Variants in ABL2 observed in about 807,000 individuals in gnomAD.
The protein encoded by ABL2 is tyrosine-protein kinase ABL2.
ABL2 carries 49 observed loss-of-function variants against 107.7 expected under a neutral mutation model. The observed-to-expected ratio is 0.45, with a 90% CI of 0.36 to 0.58. ABL2 has a LOEUF of 0.58. Ranked by LOEUF, ABL2 falls within the 20% of genes least tolerant of loss-of-function variation. The pLI is 0.00. For synonymous variants in ABL2, 549 were observed against 548.6 expected (o/e 1.00, Z -0.01); for missense variants, 1,245 against 1,457.0 (o/e 0.85, Z 2.37).
intron 1 of ABL2, among the ~76,000 whole-genome samples, chr1:179,202,476 A>T (rs964652688): frequency 2.6e-5 from 4 of 152,318 alleles, no homozygotes; most frequent in Non-Finnish European, 5.9e-5. Context: ...CAGGTCACAT[A>T]AAAAAATTAA....
At chr1:179,169,545 C>T (rs1659595444) in intron 1 of ABL2, among the ~76,000 whole-genome samples, 1 of 149,062 alleles carries the variant, frequency 6.7e-6, no homozygotes, top group South Asian at 2.1e-4. Context: ...AAGACCCCAT[C>T]TCAAAATAAA....
At chr1:179,164,045 G>T (rs189613867) in intron 1 of ABL2, among the ~76,000 whole-genome samples, 1 of 152,188 alleles carries the variant, frequency 6.6e-6, no homozygotes, top group African/African-American at 2.4e-5. Flanking sequence ...GGGATTAAAG[G>T]GGGGGAATAT....
At chr1:179,213,311 CTTATTT>C (rs2124832021) in intron 1 of ABL2, among the ~76,000 whole-genome samples, 1 of 151,796 alleles carries the variant, frequency 6.6e-6, no homozygotes, top group African/African-American at 2.4e-5. Flanking sequence ...TATTTTTACG[CTTATTT>C]TTATTTTTGT....
intron 8 of ABL2, among the ~76,000 whole-genome samples, chr1:179,116,328 T>C (rs1041583027): frequency 1.1e-4 from 17 of 151,822 alleles, no homozygotes; most frequent in African/African-American, 3.9e-4. Flanking sequence ...TGAGCTGAGA[T>C]TGTGCCACTG....
At chr1:179,131,536 T>A in intron 2 of ABL2, 55 bp from the exon 3 acceptor site, 1 of 1,559,502 alleles carries the variant, frequency 6.4e-7, no homozygotes, top group Non-Finnish European at 8.8e-7. Context: ...GCGAAACATT[T>A]GTTTGAATTC....
Position 179,104,985 on chromosome 1 carries a change from T to C in ABL2, c.*2733A>G, listed in dbSNP as rs1441070749. 2 of 228,442 alleles carry C rather than the reference T, an allele frequency of 8.8e-6. No individual in the cohort carries two copies. Among genetic ancestry groups the C allele is most frequent in the Non-Finnish European group, 1.7e-5 (2 of 115,106 alleles). The allele number at this position is 228,442 out of a possible 1,614,324, so 14.2% of individuals were successfully genotyped here. ...GTAGAAAAAGGAAAAACCTAAATTA[T>C]GCTTGTATAGTAAGTTGACAGTGCC... On this transcript the variant is annotated 3_prime_UTR_variant, in exon 12 of 12. Transcript: ENST00000502732.
chr1:179,132,980 T>A (rs570510127), intron 2 of ABL2, among the ~76,000 whole-genome samples: 1 of 151,934 alleles, frequency 6.6e-6, no homozygotes, highest in Non-Finnish European at 1.5e-5. Context: ...TGCCTCAGCC[T>A]CCCGAGTAGG....
chr1:179,132,280 G>GT (rs1190398777), intron 2 of ABL2, among the ~76,000 whole-genome samples: 1 of 152,046 alleles, frequency 6.6e-6, no homozygotes, highest in Non-Finnish European at 1.5e-5. Context: ...TTTACGACCT[G>GT]TTTTTTCCTT....
chr1:179,108,710 A>G lies in ABL2; in HGVS notation c.2557T>C (p.Leu853=), dbSNP rs1309908165. The G allele has an allele frequency of 6.2e-7, 1 of 1,614,188 alleles. No homozygotes were observed. The highest frequency in any genetic ancestry group is 1.1e-5 in the South Asian group (1 of 91,082). ...GGAAGAGCTGTGGCTCCTCTGGGCA[A>G]TAACTTGGCTTTTGGTCTCTCCCTG... ...PSRERPKAKL[L]PRGATALPLR... Residue 853 remains leucine, a synonymous_variant, in exon 12 of 12, where the codon TTG becomes CTG. Transcript: ENST00000502732.
intron 1 of ABL2, among the ~76,000 whole-genome samples, chr1:179,162,049 G>A (rs1421136638): frequency 3.9e-5 from 6 of 152,194 alleles, no homozygotes; most frequent in Admixed American, 6.5e-5. Context: ...TCTGAGAAAT[G>A]AATTTCTGTT....
rs149555685 is a variant in ABL2, at chr1:179,215,588, G to A, written c.157+13653C>T. 3.6e-3 allele frequency among the ~76,000 whole-genome samples: 540 copies of A among 151,988 alleles called. 3 individuals carry two copies. Among genetic ancestry groups the A allele is most frequent in the African/African-American group, 0.012 (505 of 41,466 alleles). On this transcript the variant is annotated intron_variant, in intron 1 of 11. Coordinates refer to ENST00000502732, the MANE Select transcript of ABL2 (RefSeq NM_007314.4). ...CTAAAAATACAAAAATCAGCTGGGC[G>A]TGGTGGCACATGCCTGTAATCCCAG... is the stretch of plus-strand genomic sequence containing the variant.
chr1:179,156,899 AAATAAATAAAT>A (rs1658726941), intron 1 of ABL2, among the ~76,000 whole-genome samples: 2 of 94,548 alleles, frequency 2.1e-5, no homozygotes, highest in East Asian at 8.4e-4. Flanking sequence ...ATAAATAAAT[AAATAAATAAAT>A]AAATAAATAA....
intron 1 of ABL2, among the ~76,000 whole-genome samples, chr1:179,223,040 G>A (rs1459203176): frequency 1.3e-5 from 2 of 150,002 alleles, no homozygotes; most frequent in Admixed American, 6.7e-5. Flanking sequence ...AACCCAGGAG[G>A]AGGAGGTTGC....
At chr1:179,204,602 C>A (rs1400696414) in intron 1 of ABL2, among the ~76,000 whole-genome samples, 1 of 151,838 alleles carries the variant, frequency 6.6e-6, no homozygotes, top group Non-Finnish European at 1.5e-5. Context: ...CAAAAATTAA[C>A]CAGAGGTGGT....
chr1:179,161,501 G>C (rs532709128), intron 1 of ABL2, among the ~76,000 whole-genome samples: 1 of 152,122 alleles, frequency 6.6e-6, no homozygotes, highest in Non-Finnish European at 1.5e-5. Flanking sequence ...TAAAATCTCT[G>C]GAGTTTATGA....
intron 1 of ABL2, among the ~76,000 whole-genome samples, chr1:179,224,416 G>A (rs987471497): frequency 1.3e-5 from 2 of 151,742 alleles, no homozygotes; most frequent in Middle Eastern, 3.4e-3. Context: ...ATAGGTGCCC[G>A]CCACCACACC....
Position 179,110,452 on chromosome 1 carries a change from A to G in ABL2, c.1655T>C (p.Val552Ala). The change falls in exon 11 of 12, where the codon GTA (valine) becomes GCA (alanine). Residue 552 changes from valine to alanine, a missense_variant. Physicochemically the swap from Val to Ala is moderately conservative, Grantham distance 64. Coordinates refer to ENST00000502732, the MANE Select transcript of ABL2 (RefSeq NM_007314.4). ...GGCGGCTCTCCCAAGCTCCTCAGCT[A>G]CCTCTGTGAGGAAGACAAGGGGACC... Reference protein sequence around the residue: ...MFHDSSISEEVAEELGRAASS... With the variant: ...MFHDSSISEEAAEELGRAASS... 1 of 1,607,798 alleles carries G rather than the reference A, an allele frequency of 6.2e-7. No individual in the cohort carries two copies.
At chr1:179,199,264 G>T (rs1661513889) in intron 1 of ABL2, among the ~76,000 whole-genome samples, 1 of 152,098 alleles carries the variant, frequency 6.6e-6, no homozygotes, top group Non-Finnish European at 1.5e-5. Context: ...TCACTGTAAA[G>T]GTATGGAAAC....
intron 1 of ABL2, among the ~76,000 whole-genome samples, chr1:179,141,718 CTT>C (rs1433568782): frequency 6.6e-6 from 1 of 152,174 alleles, no homozygotes; most frequent in African/African-American, 2.4e-5. Flanking sequence ...TCCCACTCCT[CTT>C]TTGTTCTCAA....
Sources: gnomAD v4.1 joint callset for allele counts (sites outside exome capture counted in the v4.1 genomes callset) on GRCh38, gnomAD v4.1.1 for gene constraint, MANE v1.5 for transcripts, NCBI Gene and HGNC (gene_info 2026-07-23, HGNC 2026-07-21) for gene names.